The following SPTLC2 variants were observed in gnomAD, a reference collection of about 807,000 sequenced individuals.
The protein encoded by SPTLC2 is serine palmitoyltransferase 2.
SPTLC2 carries 21 observed loss-of-function variants against 62.0 expected under a neutral mutation model. The ratio of observed to expected loss-of-function variants is 0.34; its 90% CI spans 0.24 to 0.49. The LOEUF (loss-of-function observed/expected upper bound fraction) is 0.49, where lower values mean the gene tolerates loss of function less well. Ranked by LOEUF, SPTLC2 falls within the 20% of genes least tolerant of loss-of-function variation. SPTLC2 has a pLI of 0.99. For missense variants in SPTLC2, 511 were observed against 713.0 expected (o/e 0.72, Z 3.23); for synonymous variants, 261 against 261.8 (o/e 1.00, Z 0.03).
At chr14:77,590,039 A>T (rs778885174) in intron 2 of SPTLC2, among the ~76,000 whole-genome samples, 1 of 151,806 alleles carries the variant, frequency 6.6e-6, no homozygotes, top group South Asian at 2.1e-4. Context: ...GCAGTGGCTC[A>T]ATCACAGCTC....
chr14:77,508,527 A>G lies in SPTLC2; in HGVS notation c.*3757T>C, dbSNP rs2079317121. ...AATCCCGGATCACTAGGAACCAGAA[A>G]TCCTTATCAATTTGGAAAAAGGGGA... On this transcript the variant is annotated 3_prime_UTR_variant, in exon 12 of 12. Coordinates refer to ENST00000216484, the MANE Select transcript of SPTLC2 (RefSeq NM_004863.4). The G allele has an allele frequency of 6.6e-6, 1 of 152,220 alleles. No homozygotes were observed. The highest frequency in any genetic ancestry group is 1.5e-5 in the Non-Finnish European group (1 of 68,042). 9.4% of individuals were successfully genotyped at this position (152,220 alleles called of 1,614,324 possible). A position where few individuals can be genotyped will look rare whatever the true frequency, so the allele number is the denominator to read the frequency against.
At chr14:77,597,556 C>A (rs1295120608) in intron 1 of SPTLC2, among the ~76,000 whole-genome samples, 176 bp from the exon 2 acceptor site, 1 of 151,760 alleles carries the variant, frequency 6.6e-6, no homozygotes, top group Non-Finnish European at 1.5e-5. Context: ...GGGCAGATCA[C>A]TTGAGGTCAG....
chr14:77,612,417 A>T (rs2079943041), intron 1 of SPTLC2, among the ~76,000 whole-genome samples: 1 of 152,220 alleles, frequency 6.6e-6, no homozygotes. Context: ...GAGTATCTCA[A>T]ATAACTCTGG....
chr14:77,509,582 C>T lies in SPTLC2; in HGVS notation c.*2702G>A, dbSNP rs10147023. ...ATCCTATCAGAGTCTTGAATCAGGC[C>T]GTGTTAAACTGTGTAAGAAACTACT... On this transcript the variant is annotated 3_prime_UTR_variant, in exon 12 of 12. Transcript: ENST00000216484. The T allele has an allele frequency of 0.079, 21,270 of 270,646 alleles. 991 individuals carry two copies. Among genetic ancestry groups the T allele is most frequent in the African/African-American group, 0.12 (5,331 of 45,984 alleles). The allele number at this position is 270,646 out of a possible 1,614,324, so 16.8% of individuals were successfully genotyped here.
At chr14:77,578,794 T>G (rs948128083) in intron 3 of SPTLC2, 161 bp downstream of exon 3, 5 of 646,104 alleles carry the variant, frequency 7.7e-6, no homozygotes, top group Non-Finnish European at 1.3e-5. Flanking sequence ...AGATATATCT[T>G]AAAAAGCTCA....
intron 9 of SPTLC2, among the ~76,000 whole-genome samples, chr14:77,551,829 A>G (rs1179793553): frequency 6.6e-6 from 1 of 152,238 alleles, no homozygotes; most frequent in Non-Finnish European, 1.5e-5. Flanking sequence ...CCTCGAAGGT[A>G]TATTACCTCT....
intron 2 of SPTLC2, among the ~76,000 whole-genome samples, chr14:77,589,908 G>T (rs1359754347): frequency 6.6e-6 from 1 of 151,226 alleles, no homozygotes; most frequent in Non-Finnish European, 1.5e-5. Flanking sequence ...AACCCAGAAG[G>T]CAGAGACTGC....
chr14:77,610,830 G>A (rs1422728731), intron 1 of SPTLC2, among the ~76,000 whole-genome samples: 2 of 151,718 alleles, frequency 1.3e-5, no homozygotes, highest in Non-Finnish European at 2.9e-5. Context: ...AGGATCGATT[G>A]TACCCAACAG....
intron 1 of SPTLC2, among the ~76,000 whole-genome samples, chr14:77,614,411 T>C (rs2079953960): frequency 2.0e-5 from 3 of 152,144 alleles, no homozygotes; most frequent in Non-Finnish European, 2.9e-5. Flanking sequence ...ACACCCGTAA[T>C]CCCAGCACTC....
rs141076257 is a variant in SPTLC2, at chr14:77,603,103, C to T, written c.133-5723G>A. Among the ~76,000 whole-genome samples the T allele has an allele frequency of 2.0e-5, 3 of 152,256 alleles. No homozygotes were observed. The East Asian group carries it at 5.8e-4, about 29-fold the overall frequency. Reference sequence around the variant, plus strand: ...GGACAGGGAGTAACTATGTTATAATCCAATAACAGTGAAGTAATTATTAGG... The same window carrying T: ...GGACAGGGAGTAACTATGTTATAATTCAATAACAGTGAAGTAATTATTAGG... On this transcript the variant is annotated intron_variant, in intron 1 of 11. Coordinates refer to ENST00000216484, the MANE Select transcript of SPTLC2 (RefSeq NM_004863.4).
rs1311182834 is a variant in SPTLC2 at position 77,578,779 on chromosome 14, T to C, written c.482+176A>G. On this transcript the variant is annotated intron_variant, in intron 3 of 11. Coordinates refer to ENST00000216484, the MANE Select transcript of SPTLC2 (RefSeq NM_004863.4). ...TAATCCAACACAGTATCAAATGTAA[T>C]AGAAAGATATATCTTAAAAAGCTCA... is the stretch of plus-strand genomic sequence containing the variant. 1.8e-5 allele frequency: 11 copies of C among 619,686 alleles called. No individual in the cohort carries two copies. In the East Asian group the frequency reaches 2.1e-4, roughly 12 times the overall value. 38.4% of individuals were successfully genotyped at this position (619,686 alleles called of 1,614,324 possible).
chr14:77,517,723 G>A lies in SPTLC2; in HGVS notation c.1569+315C>T, dbSNP rs189499086. 4.6e-4 allele frequency among the ~76,000 whole-genome samples: 70 copies of A among 152,004 alleles called. 1 individual carries two copies. In the East Asian group the frequency reaches 0.013, roughly 28 times the overall value. ...CAGGCAGAGGGGAGAGAAAGCTCAA[G>A]AGAGAAAATTTTAGACAGAACAACA... On this transcript the variant is annotated intron_variant, in intron 11 of 11. Transcript: ENST00000216484.
In SPTLC2 at chr14:77,534,093, G is replaced by C. The variant is rs571590592; in HGVS notation, c.1304-12512C>G. ...GGACTGCTTGAGCCTGGGTGGTAGA[G>C]GTTGCAGTGAGCTGAGAGCATGCCG... On this transcript the variant is annotated intron_variant, in intron 9 of 11. Transcript: ENST00000216484. Among the ~76,000 whole-genome samples, 5 of 152,070 alleles carry C rather than the reference G, an allele frequency of 3.3e-5. 1 individual carries two copies. The South Asian group carries it at 1.0e-3, about 32-fold the overall frequency.
chr14:77,577,862 T>C (rs1036531526), intron 3 of SPTLC2, among the ~76,000 whole-genome samples: 2 of 152,112 alleles, frequency 1.3e-5, no homozygotes, highest in African/African-American at 4.8e-5. Context: ...ATGGTGCCAC[T>C]GCACTCCAGC....
intron 9 of SPTLC2, among the ~76,000 whole-genome samples, chr14:77,527,576 C>T (rs916711998): frequency 7.9e-5 from 12 of 152,146 alleles, no homozygotes. Flanking sequence ...AATATTTTAT[C>T]AAGTCTTAAT....
chr14:77,512,543 T>A, intron 11 of SPTLC2, 140 bp from the exon 12 acceptor site: 1 of 1,299,404 alleles, frequency 7.7e-7, no homozygotes, highest in Non-Finnish European at 1.1e-6. Context: ...AAGATCAGAC[T>A]ACAATACAGC....
chr14:77,562,446 A>G lies in SPTLC2; in HGVS notation c.800T>C (p.Val267Ala). Residue 267 changes from valine to alanine, a missense_variant, in exon 6 of 12, where the codon GTT becomes GCT. Coordinates refer to ENST00000216484, the MANE Select transcript of SPTLC2 (RefSeq NM_004863.4). ...LSDELNHASL[V>A]LGARLSGATI... is the part of the protein sequence containing the mutation. The stretch of plus-strand genomic sequence containing the variant: ...TGCTCCTGACAGTCTGGCTCCCAGA[A>G]CCAGTGATGCATGATTCAGTTCATC... 6.2e-7 allele frequency: 1 copy of G among 1,614,200 alleles called. No homozygotes were observed. The highest frequency in any genetic ancestry group is 8.5e-7 in the Non-Finnish European group (1 of 1,180,026).
At chr14:77,560,368 T>C (rs912685847) in intron 6 of SPTLC2, among the ~76,000 whole-genome samples, 2 of 152,086 alleles carry the variant, frequency 1.3e-5, no homozygotes, top group Non-Finnish European at 2.9e-5. Context: ...GGTGGATTGC[T>C]TGAGCCCAGG....
At chr14:77,589,809 A>C (rs1298963188) in intron 2 of SPTLC2, among the ~76,000 whole-genome samples, 1 of 151,352 alleles carries the variant, frequency 6.6e-6, no homozygotes, top group African/African-American at 2.4e-5. Context: ...ACACACACAC[A>C]CACACACAAA....
Sources: allele counts gnomAD v4.1 joint callset (sites outside exome capture counted in the v4.1 genomes callset), GRCh38; gene constraint gnomAD v4.1.1; transcripts MANE v1.5; gene names NCBI Gene and HGNC (gene_info 2026-07-23, HGNC 2026-07-21).